Variants in GALNT6 observed in about 807,000 individuals in gnomAD.
GALNT6 encodes polypeptide N-acetylgalactosaminyltransferase 6.
GALNT6 carries 51 observed loss-of-function variants against 65.9 expected under a neutral mutation model. The observed-to-expected ratio is 0.77, with a 90% CI of 0.62 to 0.98. GALNT6 has a LOEUF of 0.98. Ranked by LOEUF, GALNT6 falls within the 50% of genes least tolerant of loss-of-function variation. The pLI is 0.00. For synonymous variants in GALNT6, 323 were observed against 315.1 expected (o/e 1.02, Z -0.26); for missense variants, 708 against 803.3 (o/e 0.88, Z 1.43).
At chr12:51,356,153 T>C (rs1946737408) in intron 10 of GALNT6, among the ~76,000 whole-genome samples, 195 bp from the exon 11 acceptor site, 1 of 151,270 alleles carries the variant, frequency 6.6e-6, no homozygotes. Context: ...TATATACATA[T>C]ATATATATGT....
intron 4 of GALNT6, among the ~76,000 whole-genome samples, chr12:51,374,130 G>A (rs1255497262): frequency 1.3e-5 from 2 of 151,880 alleles, no homozygotes; most frequent in Non-Finnish European, 2.9e-5. Flanking sequence ...AAAGTTCTGG[G>A]ATTACAGGCA....
intron 2 of GALNT6, among the ~76,000 whole-genome samples, chr12:51,381,128 T>C (rs1279562519): frequency 6.6e-6 from 1 of 152,126 alleles, no homozygotes; most frequent in African/African-American, 2.4e-5. Context: ...TAGTCCTAGC[T>C]GCCTGGGAGG....
chr12:51,388,285 C>T (rs756182782), intron 2 of GALNT6, among the ~76,000 whole-genome samples: 5 of 152,186 alleles, frequency 3.3e-5, no homozygotes, highest in Admixed American at 2.0e-4. Flanking sequence ...TCCTTTGCCT[C>T]GGGCCCCTCT....
chr12:51,365,541 G>A lies in GALNT6; in HGVS notation c.703C>T (p.Leu235=). Residue 235 remains leucine (L), a synonymous_variant, in exon 5 of 12, where the codon CTG becomes TTG. Transcript: ENST00000356317. ...TGCCGCACCACCCTCACCACCTGCA[G>A]CTGCTTCACGTACTGCTCCAGCTTC... is the stretch of plus-strand genomic sequence containing the variant. ...KEKLEQYVKQ[L]QVVRVVRQEE... is the part of the protein sequence containing the mutation. The A allele has an allele frequency of 6.2e-7, 1 of 1,613,480 alleles. No homozygotes were observed.
rs1459288490 is a variant in GALNT6, at chr12:51,391,396, A to AGGGACCAGCAGAGAGCGAAG, written c.-302_-301insCTTCGCTCTCTGCTGGTCCC. On this transcript the variant is annotated 5_prime_UTR_variant, in exon 1 of 12. Coordinates refer to ENST00000356317, the MANE Select transcript of GALNT6 (RefSeq NM_007210.4). ...GGCCACCGCGACCAGCAGAGAGCGA[A>AGGGACCAGCAGAGAGCGAAG]GGCAGGAGGGACCAGCCTGGCCCAG... is the stretch of plus-strand genomic sequence containing the variant. The AGGGACCAGCAGAGAGCGAAG allele has an allele frequency of 6.5e-6, 1 of 153,390 alleles. No individual in the cohort carries two copies. The highest frequency in any genetic ancestry group is 1.5e-5 in the Non-Finnish European group (1 of 68,738). The allele number at this position is 153,390 out of a possible 1,614,324, so 9.5% of individuals were successfully genotyped here. A position where few individuals can be genotyped will look rare whatever the true frequency, so the allele number is the denominator to read the frequency against.
intron 4 of GALNT6, among the ~76,000 whole-genome samples, chr12:51,370,896 A>G (rs1376283600): frequency 1.3e-5 from 2 of 152,096 alleles, no homozygotes; most frequent in African/African-American, 4.8e-5. Context: ...ATGGTTGCAC[A>G]ATAATGTGAA....
intron 5 of GALNT6, 31 bp from the exon 6 acceptor site, chr12:51,364,386 G>C (rs767568161): frequency 2.7e-6 from 4 of 1,500,736 alleles, no homozygotes; most frequent in South Asian, 2.3e-5. Context: ...GCAGCAGTCA[G>C]GGCCCTGCCC....
chr12:51,378,193 C>T (rs1239489634), intron 3 of GALNT6, among the ~76,000 whole-genome samples: 1 of 152,136 alleles, frequency 6.6e-6, no homozygotes, highest in Non-Finnish European at 1.5e-5. Flanking sequence ...CTTGCTCTGT[C>T]ACTCAGGCTG....
intron 4 of GALNT6, among the ~76,000 whole-genome samples, 159 bp downstream of exon 4, chr12:51,377,036 C>T (rs1947477030): frequency 6.6e-6 from 1 of 152,168 alleles, no homozygotes; most frequent in Non-Finnish European, 1.5e-5. Flanking sequence ...GTCTACCTGC[C>T]CCTACCTGAC....
chr12:51,375,821 T>C (rs1433373189), intron 4 of GALNT6, among the ~76,000 whole-genome samples: 2 of 151,770 alleles, frequency 1.3e-5, no homozygotes, highest in Non-Finnish European at 2.9e-5. Flanking sequence ...CCTCCCAGAG[T>C]GCTAGGATTA....
rs1169140913 is a variant in GALNT6, at chr12:51,379,528, A to G, written c.254T>C (p.Ile85Thr). 2 of 1,614,176 alleles carry G rather than the reference A, an allele frequency of 1.2e-6. No homozygotes were observed. Among genetic ancestry groups the G allele is most frequent in the South Asian group, 1.1e-5 (1 of 91,084 alleles). ...APEAQQTLFSINQSCLPGFYT... is the reference protein window; with the variant it reads ...APEAQQTLFSTNQSCLPGFYT... ...GAACCCAGGGAGGCAGGACTGGTTT[A>G]TGGAGAACAGAGTCTGCTGGGCTTC... is the stretch of plus-strand genomic sequence containing the variant. Residue 85 changes from isoleucine to threonine, a missense_variant, in exon 3 of 12, where the codon ATA (isoleucine) becomes ACA (threonine). Coordinates refer to ENST00000356317, the MANE Select transcript of GALNT6 (RefSeq NM_007210.4).
Position 51,389,378 on chromosome 12 carries a change from C to T in GALNT6, c.-104+1472G>A, listed in dbSNP as rs557109902. Among the ~76,000 whole-genome samples the T allele has an allele frequency of 1.1e-4, 17 of 152,318 alleles. No homozygotes were observed. In the South Asian group the frequency reaches 2.7e-3, roughly 24 times the overall value. The stretch of plus-strand genomic sequence containing the variant: ...CTTCTCTGTTTTACACAGAAGGAAA[C>T]TGAAGCACAGGGAGGTCAAGTAACT... On this transcript the variant is annotated intron_variant, in intron 2 of 11. Coordinates refer to ENST00000356317, the MANE Select transcript of GALNT6 (RefSeq NM_007210.4).
intron 10 of GALNT6, 130 bp from the exon 11 acceptor site, chr12:51,356,088 C>T (rs1946735802): frequency 1.4e-6 from 1 of 726,360 alleles, no homozygotes; most frequent in South Asian, 1.8e-5. Flanking sequence ...CAAGACTTTA[C>T]TCATTTATGT....
At chr12:51,370,910 A>G (rs1264534974) in intron 4 of GALNT6, among the ~76,000 whole-genome samples, 1 of 152,126 alleles carries the variant, frequency 6.6e-6, no homozygotes. Flanking sequence ...ATGTGAATGC[A>G]TTTAAAATCA....
intron 6 of GALNT6, 40 bp from the exon 7 acceptor site, chr12:51,360,878 G>T: frequency 7.2e-7 from 1 of 1,381,502 alleles, no homozygotes; most frequent in Non-Finnish European, 1.0e-6. Context: ...TCTTCTGGGA[G>T]AGGAGGAGCG....
At chr12:51,368,992 G>A (rs1187698756) in intron 4 of GALNT6, among the ~76,000 whole-genome samples, 2 of 152,212 alleles carry the variant, frequency 1.3e-5, no homozygotes, top group South Asian at 4.1e-4. Flanking sequence ...TGCCCTTTGA[G>A]ACTCATAGTG....
chr12:51,390,317 C>A lies in GALNT6; in HGVS notation c.-104+533G>T, dbSNP rs572632659. Among the ~76,000 whole-genome samples the A allele has an allele frequency of 4.6e-5, 7 of 152,196 alleles. No homozygotes were observed. In the South Asian group the frequency reaches 1.0e-3, roughly 23 times the overall value. On this transcript the variant is annotated intron_variant, in intron 2 of 11. Transcript: ENST00000356317. ...AGCTGGAATTACAGGCGCCTGCCAC[C>A]ATGCCCGGCTAACTTTTTGTATTTT...
Position 51,354,436 on chromosome 12 carries a change from CT to C in GALNT6, c.1811del (p.Lys604SerfsTer39). 1 of 1,592,056 alleles carries C rather than the reference CT, an allele frequency of 6.3e-7. No homozygotes were observed. The highest frequency in any genetic ancestry group is 1.8e-5 in the Admixed American group (1 of 55,000). Reference sequence around the variant, plus strand: ...TGGGATTGCAGGGGGCCATGGCTGGCTTTTTGTCCTGGGATGTCAGGCAGGT... The same window carrying C: ...TGGGATTGCAGGGGGCCATGGCTGGCTTTTGTCCTGGGATGTCAGGCAGGT... The part of the protein sequence containing the change: ...SGTCLTSQDK[K>X]PAMAPCNPSD... On this transcript the variant is annotated frameshift_variant, in exon 12 of 12. Coordinates refer to ENST00000356317, the MANE Select transcript of GALNT6 (RefSeq NM_007210.4). LOFTEE classifies it high-confidence loss of function.
intron 3 of GALNT6, among the ~76,000 whole-genome samples, chr12:51,377,574 C>G (rs1310988871): frequency 6.6e-6 from 1 of 152,146 alleles, no homozygotes; most frequent in African/African-American, 2.4e-5. Flanking sequence ...AGGTTCTAGC[C>G]AAACCACTCC....
Sources: allele counts gnomAD v4.1 joint callset (sites outside exome capture counted in the v4.1 genomes callset), GRCh38; gene constraint gnomAD v4.1.1; transcripts MANE v1.5; gene names NCBI Gene and HGNC (gene_info 2026-07-23, HGNC 2026-07-21).